HS3ST4: variants seen among roughly 807,000 people sequenced by gnomAD.
HS3ST4 encodes the protein heparan sulfate-glucosamine 3-sulfotransferase 4.
Under a neutral mutation model 29.2 loss-of-function variants are expected in HS3ST4, and 17 were observed. That is an observed-to-expected ratio of 0.58 (90% confidence interval 0.40 to 0.87). The LOEUF (loss-of-function observed/expected upper bound fraction) is 0.87, where lower values mean the gene tolerates loss of function less well. Ranked by LOEUF, HS3ST4 falls within the 40% of genes least tolerant of loss-of-function variation. The probability of loss-of-function intolerance (pLI) is 0.00; values close to 1 mark genes in which losing one functional copy is unlikely to be tolerated. For synonymous variants in HS3ST4, 314 were observed against 285.7 expected (o/e 1.10, Z -1.00); for missense variants, 627 against 634.5 (o/e 0.99, Z 0.13).
intron 1 of HS3ST4, among the ~76,000 whole-genome samples, chr16:25,945,370 A>T (rs1238603570): frequency 6.6e-6 from 1 of 152,142 alleles, no homozygotes; most frequent in Non-Finnish European, 1.5e-5. Context: ...TCCATAGATG[A>T]CTACACCAGA....
intron 1 of HS3ST4, among the ~76,000 whole-genome samples, chr16:25,995,096 TCACAG>T (rs1413971471): frequency 6.6e-6 from 1 of 152,236 alleles, no homozygotes; most frequent in Non-Finnish European, 1.5e-5. Flanking sequence ...GTGTCAGGAA[TCACAG>T]CAGGTTCTTT....
intron 1 of HS3ST4, among the ~76,000 whole-genome samples, chr16:25,887,798 C>T (rs148464806): frequency 0.033 from 4,931 of 149,938 alleles, 283 homozygotes; most frequent in African/African-American, 0.11. Context: ...CCCAGGTTCA[C>T]GCCATTCTCC....
chr16:25,982,259 G>A (rs915409720), intron 1 of HS3ST4, among the ~76,000 whole-genome samples: 2 of 152,170 alleles, frequency 1.3e-5, no homozygotes, highest in Non-Finnish European at 2.9e-5. Context: ...ACCCAGCTGG[G>A]TTTTGAATTC....
At chr16:26,105,801 T>C (rs1596682892) in intron 1 of HS3ST4, among the ~76,000 whole-genome samples, 1 of 152,392 alleles carries the variant, frequency 6.6e-6, no homozygotes, top group African/African-American at 2.4e-5. Context: ...GTTCAGATGT[T>C]ACCTCTAACC....
intron 1 of HS3ST4, among the ~76,000 whole-genome samples, chr16:26,052,060 G>A (rs190130006): frequency 6.6e-6 from 1 of 151,968 alleles, no homozygotes; most frequent in African/African-American, 2.4e-5. Context: ...TAAACTAATG[G>A]CCATAAAGAA....
rs571888671 is a variant in HS3ST4, at chr16:26,012,946, C to T, written c.735-122666C>T. ...TTGGGAGGCCGAGGCGGGCAGATCACGAGGTCAAGAGATTGAGACCATCCT... is the reference window on the plus strand; with the variant it reads ...TTGGGAGGCCGAGGCGGGCAGATCATGAGGTCAAGAGATTGAGACCATCCT... On this transcript the variant is annotated intron_variant, in intron 1 of 1. Transcript: ENST00000331351. 2.2e-4 allele frequency among the ~76,000 whole-genome samples: 34 copies of T among 152,102 alleles called. 1 individual carries two copies. Among genetic ancestry groups the T allele is most frequent in the South Asian group, 4.2e-4 (2 of 4,814 alleles).
intron 1 of HS3ST4, among the ~76,000 whole-genome samples, chr16:25,845,039 G>A (rs1302130384): frequency 6.6e-6 from 1 of 152,002 alleles, no homozygotes; most frequent in East Asian, 1.9e-4. Context: ...ATACACTGAG[G>A]CCTGTTGGGG....
intron 1 of HS3ST4, among the ~76,000 whole-genome samples, chr16:25,905,122 T>C (rs1968166696): frequency 6.6e-6 from 1 of 152,086 alleles, no homozygotes; most frequent in South Asian, 2.1e-4. Flanking sequence ...CCCTGCCTCA[T>C]AGAGAGAAGG....
chr16:25,969,160 ACTG>A lies in HS3ST4; in HGVS notation c.735-166449_735-166447del, dbSNP rs556345966. On this transcript the variant is annotated intron_variant, in intron 1 of 1. Coordinates refer to ENST00000331351, the MANE Select transcript of HS3ST4 (RefSeq NM_006040.3). ...GTCACTACTAGTGATAGCTATTACT[ACTG>A]CTATCCACTATGTATAATAGATTAC... Among the ~76,000 whole-genome samples, 728 of 152,290 alleles carry A rather than the reference ACTG, an allele frequency of 4.8e-3. 6 individuals are homozygous for A. Among genetic ancestry groups the A allele is most frequent in the African/African-American group, 0.017 (692 of 41,548 alleles).
At chr16:25,799,214 A>G (rs939821488) in intron 1 of HS3ST4, among the ~76,000 whole-genome samples, 3 of 152,142 alleles carry the variant, frequency 2.0e-5, no homozygotes, top group Non-Finnish European at 2.9e-5. Flanking sequence ...AGTGATTTCC[A>G]TGCCACCCAC....
At chr16:25,972,713 G>C (rs866968455) in intron 1 of HS3ST4, among the ~76,000 whole-genome samples, 2 of 152,156 alleles carry the variant, frequency 1.3e-5, no homozygotes, top group Admixed American at 6.5e-5. Context: ...TTATTAGAAG[G>C]AAGTCTTTAG....
At chr16:26,026,912 G>T (rs1969481717) in intron 1 of HS3ST4, among the ~76,000 whole-genome samples, 1 of 152,134 alleles carries the variant, frequency 6.6e-6, no homozygotes, top group East Asian at 1.9e-4. Context: ...AATGATAAAT[G>T]CTAAACCTTT....
At chr16:25,959,088 G>A (rs1968767397) in intron 1 of HS3ST4, among the ~76,000 whole-genome samples, 1 of 152,174 alleles carries the variant, frequency 6.6e-6, no homozygotes, top group African/African-American at 2.4e-5. Flanking sequence ...TCTCCTCAAG[G>A]AATTTAGGGT....
chr16:26,124,958 G>A (rs1191958182), intron 1 of HS3ST4, among the ~76,000 whole-genome samples: 1 of 152,174 alleles, frequency 6.6e-6, no homozygotes, highest in East Asian at 1.9e-4. Context: ...TAAAGTTTGA[G>A]GAACTTGCCC....
intron 1 of HS3ST4, among the ~76,000 whole-genome samples, chr16:25,707,219 A>G (rs942386261): frequency 6.6e-6 from 1 of 152,174 alleles, no homozygotes; most frequent in Non-Finnish European, 1.5e-5. Flanking sequence ...CCCAAAGAGA[A>G]CCCATGAAGT....
At chr16:26,102,806 G>GTTT (rs1899004600) in intron 1 of HS3ST4, among the ~76,000 whole-genome samples, 1 of 152,188 alleles carries the variant, frequency 6.6e-6, no homozygotes, top group Admixed American at 6.5e-5. Context: ...TGAAATAGGA[G>GTTT]TTTCCTTTTT....
At chr16:25,904,480 T>C (rs1968160230) in intron 1 of HS3ST4, among the ~76,000 whole-genome samples, 2 of 152,184 alleles carry the variant, frequency 1.3e-5, no homozygotes, top group South Asian at 4.1e-4. Context: ...GATTATTAAA[T>C]GGGAAGCATA....
chr16:25,935,060 G>A (rs942527002), intron 1 of HS3ST4, among the ~76,000 whole-genome samples: 11 of 152,032 alleles, frequency 7.2e-5, no homozygotes, highest in African/African-American at 2.4e-4. Flanking sequence ...TAAGTGTCTG[G>A]CATTTCCCCT....
At chr16:26,068,504 T>C (rs1463829741) in intron 1 of HS3ST4, among the ~76,000 whole-genome samples, 1 of 152,040 alleles carries the variant, frequency 6.6e-6, no homozygotes, top group East Asian at 1.9e-4. Flanking sequence ...CCAGTCAGAG[T>C]GTGAAAGAAA....
Sources: allele counts gnomAD v4.1 joint callset (sites outside exome capture counted in the v4.1 genomes callset), GRCh38; gene constraint gnomAD v4.1.1; transcripts MANE v1.5; gene names NCBI Gene and HGNC (gene_info 2026-07-23, HGNC 2026-07-21).